The following IQCM variants were observed in gnomAD, a reference collection of about 807,000 sequenced individuals.
IQCM encodes IQ motif containing M, also known as IQ domain-containing protein M.
IQCM carries 45 observed loss-of-function variants against 57.6 expected under a neutral mutation model. The observed-to-expected ratio is 0.78, with a 90% confidence interval of 0.62 to 1.00. The LOEUF (loss-of-function observed/expected upper bound fraction) is 1.00, where lower values mean the gene tolerates loss of function less well. IQCM is among the 50% of genes least tolerant of loss of function. IQCM has a pLI of 0.00. For synonymous variants in IQCM, 148 were observed against 158.9 expected (o/e 0.93, Z 0.51); for missense variants, 468 against 511.6 (o/e 0.91, Z 0.82).
chr4:149,790,756 T>G (rs1772523360), intron 2 of IQCM, among the ~76,000 whole-genome samples: 1 of 152,172 alleles, frequency 6.6e-6, no homozygotes, highest in Non-Finnish European at 1.5e-5. Context: ...CTGCAGTGCC[T>G]CCTGTGAAAT....
intron 9 of IQCM, among the ~76,000 whole-genome samples, chr4:149,576,523 G>A (rs980763725): frequency 2.0e-5 from 3 of 151,776 alleles, no homozygotes; most frequent in East Asian, 1.9e-4. Context: ...AGATTAATCC[G>A]CTTAGGATAA....
intron 7 of IQCM, among the ~76,000 whole-genome samples, chr4:149,662,731 G>A (rs375879447): frequency 1.3e-5 from 2 of 151,750 alleles, no homozygotes; most frequent in African/African-American, 4.8e-5. Flanking sequence ...CTCCTGCTCA[G>A]TTTTGTTTTC....
chr4:149,429,800 G>A (rs569113692), intron 13 of IQCM: 2 of 379,600 alleles, frequency 5.3e-6, no homozygotes, highest in Non-Finnish European at 9.3e-6. Flanking sequence ...CAAATCTCTT[G>A]TCAGTCAATT....
At chr4:149,796,960 A>G (rs1561284962) in intron 2 of IQCM, among the ~76,000 whole-genome samples, 1 of 152,168 alleles carries the variant, frequency 6.6e-6, no homozygotes. Flanking sequence ...ACAAGCCCAG[A>G]CTGCAAAGAC....
At chr4:149,461,090 C>A (rs752286878) in intron 12 of IQCM, among the ~76,000 whole-genome samples, 9 of 151,820 alleles carry the variant, frequency 5.9e-5, no homozygotes, top group Non-Finnish European at 1.2e-4. Context: ...CAAAATTAGG[C>A]GGGTGTGGTG....
At chr4:149,571,964 C>A (rs1409201415) in intron 9 of IQCM, among the ~76,000 whole-genome samples, 1 of 152,020 alleles carries the variant, frequency 6.6e-6, no homozygotes, top group Non-Finnish European at 1.5e-5. Context: ...CTGTGACAAA[C>A]AAACACAGGT....
intron 12 of IQCM, among the ~76,000 whole-genome samples, chr4:149,475,075 G>T (rs941170600): frequency 6.6e-6 from 1 of 152,162 alleles, no homozygotes; most frequent in Non-Finnish European, 1.5e-5. Flanking sequence ...ATTTTGAAAA[G>T]ACCATTCTGG....
At chr4:149,525,455 T>C (rs986175959) in intron 12 of IQCM, among the ~76,000 whole-genome samples, 3 of 151,736 alleles carry the variant, frequency 2.0e-5, no homozygotes, top group African/African-American at 7.2e-5. Flanking sequence ...CATGGATAAA[T>C]ACAACAGAAC....
intron 7 of IQCM, among the ~76,000 whole-genome samples, chr4:149,665,689 T>C (rs972301765): frequency 2.6e-5 from 4 of 152,144 alleles, no homozygotes; most frequent in Admixed American, 2.0e-4. Context: ...ATTCACCTTA[T>C]TGAGAGAAGG....
intron 8 of IQCM, among the ~76,000 whole-genome samples, chr4:149,591,622 G>T (rs568869121): frequency 8.6e-4 from 131 of 151,986 alleles, no homozygotes; most frequent in African/African-American, 3.0e-3. Flanking sequence ...CCCACGACAG[G>T]CCCCGGTGTG....
chr4:149,524,601 A>ATT (rs1350775834), intron 12 of IQCM, among the ~76,000 whole-genome samples: 1 of 152,034 alleles, frequency 6.6e-6, no homozygotes, highest in Non-Finnish European at 1.5e-5. Context: ...AAGGAACTTA[A>ATT]TACACCTCTT....
chr4:149,733,262 T>G lies in IQCM; in HGVS notation c.367A>C (p.Ile123Leu), dbSNP rs1029401391. 37 of 1,231,672 alleles carry G rather than the reference T, an allele frequency of 3.0e-5. No homozygotes were observed. The Admixed American group carries it at 1.6e-3, about 52-fold the overall frequency. The allele number at this position is 1,231,672 out of a possible 1,614,324, so 76.3% of individuals were successfully genotyped here. A position where few individuals can be genotyped will look rare whatever the true frequency, so the allele number is the denominator to read the frequency against. The change falls in exon 5 of 14, where the codon ATA becomes CTA. Residue 123 changes from isoleucine (I) to leucine (L), a missense_variant. Physicochemically the swap from Ile to Leu is conservative, Grantham distance 5. Coordinates refer to ENST00000636793, the MANE Select transcript of IQCM (RefSeq NM_001363507.2). ...AACTTACCTTTTGTAATTAGATCTA[T>G]GGGCCTGCATCTTTCTCTTCTACTA... ...IFSRRERCRP[I>L]DLITKGQVKL... is the part of the protein sequence containing the mutation.
chr4:149,666,660 C>T (rs745480798), intron 7 of IQCM, among the ~76,000 whole-genome samples: 4 of 152,188 alleles, frequency 2.6e-5, no homozygotes, highest in Admixed American at 6.5e-5. Context: ...CAGAGCCCAA[C>T]AAGCTAAGAT....
chr4:149,407,044 G>A (rs1016073332), intron 13 of IQCM, among the ~76,000 whole-genome samples: 4 of 151,926 alleles, frequency 2.6e-5, no homozygotes, highest in African/African-American at 7.3e-5. Context: ...CATGGTGGCA[G>A]GCAAGATAGA....
At chr4:149,368,772 A>ACG (rs1491331308) in intron 13 of IQCM, among the ~76,000 whole-genome samples, 8 of 80,974 alleles carry the variant, frequency 9.9e-5, no homozygotes, top group Non-Finnish European at 2.2e-4. Context: ...ATATATATAC[A>ACG]TATATATACA....
intron 12 of IQCM, 50 bp from the exon 13 acceptor site, chr4:149,433,607 T>A: frequency 1.4e-6 from 1 of 715,246 alleles, no homozygotes; most frequent in Non-Finnish European, 1.9e-6. Context: ...TTACAGACTG[T>A]CATACTTGCT....
At chr4:149,573,296 A>G (rs1173246472) in intron 9 of IQCM, among the ~76,000 whole-genome samples, 1 of 151,628 alleles carries the variant, frequency 6.6e-6, no homozygotes, top group Non-Finnish European at 1.5e-5. Context: ...TAATGGTTAT[A>G]TTAACTAAGT....
chr4:149,656,691 A>C (rs960556107), intron 7 of IQCM, among the ~76,000 whole-genome samples: 4 of 152,128 alleles, frequency 2.6e-5, no homozygotes, highest in African/African-American at 9.7e-5. Context: ...CTTTGCTCTG[A>C]TACTGAGCAA....
chr4:149,568,692 T>C (rs1049876507), intron 9 of IQCM, among the ~76,000 whole-genome samples: 3 of 152,056 alleles, frequency 2.0e-5, no homozygotes, highest in African/African-American at 7.2e-5. Flanking sequence ...GGTGGGAGGA[T>C]TGCCCAAACC....
Sources: allele counts gnomAD v4.1 joint callset (sites outside exome capture counted in the v4.1 genomes callset), GRCh38; gene constraint gnomAD v4.1.1; transcripts MANE v1.5; gene names NCBI Gene and HGNC (gene_info 2026-07-23, HGNC 2026-07-21).